The following RNLS variants were observed in gnomAD, a reference collection of about 807,000 sequenced individuals.
RNLS encodes renalase, FAD dependent amine oxidase, also known as renalase.
RNLS carries 39 observed loss-of-function variants against 39.8 expected under a neutral mutation model. The ratio of observed to expected loss-of-function variants is 0.98; its 90% CI spans 0.76 to 1.28. The LOEUF (loss-of-function observed/expected upper bound fraction) is 1.28. Among genes scored for constraint, RNLS ranks in the 50% most tolerant of loss-of-function variants. The pLI is 0.00. For missense variants in RNLS, 410 were observed against 413.3 expected, an observed-to-expected ratio of 0.99 and a Z score of 0.07; for synonymous variants, 147 against 150.7, an observed-to-expected ratio of 0.98 and a Z score of 0.18.
At chr10:88,252,033 C>A in the RNLS span, among the ~76,000 whole-genome samples, 1 of 152,186 alleles carries the variant, frequency 6.6e-6, no homozygotes, top group African/African-American at 2.4e-5. Context: ...GTAGCCATTC[C>A]TACTTGGTCT....
the RNLS span, among the ~76,000 whole-genome samples, chr10:88,220,969 G>A: frequency 6.6e-6 from 1 of 152,294 alleles, no homozygotes; most frequent in East Asian, 1.9e-4. Flanking sequence ...TGAGTTTGAG[G>A]TCGTCTAAGT....
At chr10:88,338,414 C>T (rs888321226) in intron 5 of RNLS, among the ~76,000 whole-genome samples, 3 of 152,214 alleles carry the variant, frequency 2.0e-5, no homozygotes, top group African/African-American at 4.8e-5. Context: ...TACTATCTAA[C>T]GGTTCTTGAC....
At chr10:88,213,678 T>C in the RNLS span, among the ~76,000 whole-genome samples, 8 of 152,150 alleles carry the variant, frequency 5.3e-5, no homozygotes, top group African/African-American at 1.9e-4. Flanking sequence ...CCACAGAGCA[T>C]ATTTAGATGT....
downstream of RNLS, among the ~76,000 whole-genome samples, chr10:88,271,023 A>G (rs139133274): frequency 3.4e-3 from 511 of 152,284 alleles, no homozygotes; most frequent in Non-Finnish European, 5.4e-3. Context: ...GAGGTCTAGC[A>G]AAGATTTAGC....
intron 4 of RNLS, among the ~76,000 whole-genome samples, chr10:88,447,913 T>C (rs1275820039): frequency 1.3e-5 from 2 of 152,176 alleles, no homozygotes. Flanking sequence ...GGGGAAAGGA[T>C]TCCCTATTTA....
intron 5 of RNLS, among the ~76,000 whole-genome samples, chr10:88,318,807 T>C (rs751361312): frequency 6.6e-6 from 1 of 152,188 alleles, no homozygotes; most frequent in Non-Finnish European, 1.5e-5. Flanking sequence ...GGGAAGCAGC[T>C]GGCATTCCTG....
chr10:88,555,600 G>A (rs565837153), intron 4 of RNLS, among the ~76,000 whole-genome samples: 5 of 152,222 alleles, frequency 3.3e-5, no homozygotes, highest in African/African-American at 1.2e-4. Flanking sequence ...TGCCATGCTT[G>A]TATAGCCCGC....
intron 4 of RNLS, among the ~76,000 whole-genome samples, chr10:88,439,123 A>G (rs1273969659): frequency 1.3e-5 from 2 of 152,242 alleles, no homozygotes; most frequent in East Asian, 3.9e-4. Context: ...TTTCTCATAT[A>G]TCAAAACCCA....
At chr10:88,406,209 G>C (rs1235089984) in intron 4 of RNLS, among the ~76,000 whole-genome samples, 3 of 152,040 alleles carry the variant, frequency 2.0e-5, no homozygotes, top group African/African-American at 7.2e-5. Flanking sequence ...CCTAGGCAAA[G>C]ATATTTTTGC....
rs61477690 is a variant in RNLS at position 88,581,294 on chromosome 10, G to GTATA, written c.367+269_367+272dup. Reference sequence around the variant, plus strand: ...AATATATATGTATGTGTGTGTGTGTGTATATATATATATATATATATACAT... The same window carrying GTATA: ...AATATATATGTATGTGTGTGTGTGTGTATATATATATATATATATATATATACAT... On this transcript the variant is annotated intron_variant, in intron 3 of 6. Transcript: ENST00000331772. Among the ~76,000 whole-genome samples the GTATA allele has an allele frequency of 3.8e-3, 488 of 129,824 alleles. 1 individual carries two copies. The highest frequency in any genetic ancestry group is 0.011 in the African/African-American group (371 of 33,612). The allele number at this position is 129,824 out of a possible 152,430, so 85.2% of individuals were successfully genotyped here.
At chr10:88,575,140 A>G (rs1850090797) in intron 3 of RNLS, among the ~76,000 whole-genome samples, 3 of 32,570 alleles carry the variant, frequency 9.2e-5, no homozygotes, top group Admixed American at 7.6e-4. Flanking sequence ...ATATATATAT[A>G]TATATATATA....
At chr10:88,510,769 C>T (rs1165639683) in intron 4 of RNLS, among the ~76,000 whole-genome samples, 1 of 151,378 alleles carries the variant, frequency 6.6e-6, no homozygotes. Context: ...ATCGCTTGAA[C>T]CCAGAAGGCA....
intron 4 of RNLS, among the ~76,000 whole-genome samples, chr10:88,416,401 G>A (rs992832367): frequency 6.6e-6 from 1 of 151,894 alleles, no homozygotes; most frequent in Non-Finnish European, 1.5e-5. Flanking sequence ...TTACAGGCAT[G>A]TGCCAACACG....
At chr10:88,425,794 G>C (rs1198424197) in intron 4 of RNLS, among the ~76,000 whole-genome samples, 1 of 152,052 alleles carries the variant, frequency 6.6e-6, no homozygotes, top group South Asian at 2.1e-4. Flanking sequence ...AGAAAAAAAC[G>C]TTGATGTGAG....
At chr10:88,191,693 G>A in the RNLS span, among the ~76,000 whole-genome samples, 10 of 152,332 alleles carry the variant, frequency 6.6e-5, no homozygotes, top group East Asian at 1.9e-3. Flanking sequence ...TGTCATCAGA[G>A]AAGCTCAGTC....
intron 4 of RNLS, among the ~76,000 whole-genome samples, chr10:88,419,822 T>C (rs780188168): frequency 1.3e-5 from 2 of 151,820 alleles, no homozygotes; most frequent in African/African-American, 4.8e-5. Context: ...TTGGCCAGCA[T>C]GGTGAAACCC....
intron 4 of RNLS, among the ~76,000 whole-genome samples, chr10:88,539,952 C>T (rs1370959512): frequency 6.6e-6 from 1 of 151,854 alleles, no homozygotes; most frequent in African/African-American, 2.4e-5. Context: ...TACTACAGCC[C>T]GTAAACTAAC....
chr10:88,204,855 C>G, the RNLS span, among the ~76,000 whole-genome samples: 1 of 152,086 alleles, frequency 6.6e-6, no homozygotes, highest in Non-Finnish European at 1.5e-5. Flanking sequence ...CTGTATTAAG[C>G]CTGCATTAGG....
chr10:88,529,078 G>A (rs1847272777), intron 4 of RNLS, among the ~76,000 whole-genome samples: 2 of 152,134 alleles, frequency 1.3e-5, no homozygotes. Flanking sequence ...GGGAAAGGAT[G>A]TAGAAATATT....
Sources: allele counts gnomAD v4.1 joint callset (sites outside exome capture counted in the v4.1 genomes callset), GRCh38; gene constraint gnomAD v4.1.1; transcripts MANE v1.5; gene names NCBI Gene and HGNC (gene_info 2026-07-23, HGNC 2026-07-21).